The following ETS1 variants were observed in gnomAD, a reference collection of about 807,000 sequenced individuals.
ETS1 encodes protein C-ets-1.
A neutral mutation model predicts 58.6 loss-of-function variants in ETS1; 15 were observed. The ratio of observed to expected loss-of-function variants is 0.26; its 90% CI spans 0.17 to 0.39. The LOEUF is 0.39. Ranked by LOEUF, ETS1 falls within the 10% of genes least tolerant of loss-of-function variation. The pLI is 1.00. For synonymous variants in ETS1, 214 were observed against 218.2 expected (o/e 0.98, Z 0.17); for missense variants, 417 against 610.5 (o/e 0.68, Z 3.34).
At chr11:128,550,912 G>C (rs527965292) in intron 3 of ETS1, among the ~76,000 whole-genome samples, 6 of 152,320 alleles carry the variant, frequency 3.9e-5, no homozygotes, top group Middle Eastern at 3.4e-3. Context: ...GAGTGGCCCA[G>C]TTGTGTTTCT....
intron 3 of ETS1, chr11:128,522,140 T>C (rs1286485467): frequency 2.3e-6 from 3 of 1,311,124 alleles, no homozygotes; most frequent in Non-Finnish European, 2.9e-6. Flanking sequence ...CTGCCTTTCT[T>C]TCCCCCGCGC....
intron 3 of ETS1, among the ~76,000 whole-genome samples, chr11:128,518,344 G>A (rs1360170120): frequency 2.0e-5 from 3 of 152,004 alleles, no homozygotes; most frequent in Non-Finnish European, 4.4e-5. Flanking sequence ...AACATTCAAG[G>A]GCCTCTGAAA....
intron 8 of ETS1, among the ~76,000 whole-genome samples, chr11:128,471,983 C>G (rs540772975): frequency 1.3e-5 from 2 of 152,186 alleles, no homozygotes; most frequent in Non-Finnish European, 2.9e-5. Flanking sequence ...CCTAAGTGAT[C>G]ATTTGCACAC....
intron 3 of ETS1, among the ~76,000 whole-genome samples, chr11:128,540,816 G>A (rs1410728739): frequency 6.6e-6 from 1 of 152,226 alleles, no homozygotes; most frequent in Non-Finnish European, 1.5e-5. Flanking sequence ...CCCGTGTGGA[G>A]TCTAAGCTCA....
intron 7 of ETS1, 104 bp downstream of exon 7, chr11:128,484,719 A>T: frequency 9.9e-7 from 1 of 1,010,690 alleles, no homozygotes; most frequent in Non-Finnish European, 1.5e-6. Flanking sequence ...TGAGGAATCT[A>T]CAGGTCTAAT....
chr11:128,465,894 C>T lies in ETS1; in HGVS notation c.1124-2267G>A, dbSNP rs547759407. ...AGAGAAAACTGACACACTGCAAGGC[C>T]ATTTAGATCAGCAGTGGAGTAGCCG... is the stretch of plus-strand genomic sequence containing the variant. On this transcript the variant is annotated intron_variant, in intron 8 of 9. Coordinates refer to ENST00000392668, the MANE Select transcript of ETS1 (RefSeq NM_001143820.2). Among the ~76,000 whole-genome samples, 5 of 152,302 alleles carry T rather than the reference C, an allele frequency of 3.3e-5. No individual in the cohort carries two copies. In the South Asian group the frequency reaches 1.0e-3, roughly 32 times the overall value.
At chr11:128,551,838 T>C (rs1160604998) in intron 3 of ETS1, among the ~76,000 whole-genome samples, 3 of 152,096 alleles carry the variant, frequency 2.0e-5, no homozygotes, top group Non-Finnish European at 4.4e-5. Context: ...CGGCACTGTT[T>C]TATGCTTTAC....
intron 1 of ETS1, among the ~76,000 whole-genome samples, chr11:128,585,032 AAAAGAAAGAAAGAAAGAAAGAAAG>A (rs755191654): frequency 8.7e-5 from 1 of 11,438 alleles, no homozygotes; most frequent in Non-Finnish European, 1.5e-4. Flanking sequence ...AGAAAGAAAG[AAAAGAAAGAAAGAAAGAAAGAAAG>A]AAAGAAAGAA....
intron 3 of ETS1, chr11:128,522,477 G>C: frequency 2.1e-6 from 1 of 467,420 alleles, no homozygotes; most frequent in Non-Finnish European, 2.8e-6. Flanking sequence ...GCCGGGGGCG[G>C]GGCCGAGCAC....
intron 3 of ETS1, among the ~76,000 whole-genome samples, chr11:128,496,189 G>T (rs1023793613): frequency 6.6e-6 from 1 of 151,996 alleles, no homozygotes; most frequent in Non-Finnish European, 1.5e-5. Flanking sequence ...TTAAATCTAG[G>T]TCTATATTTC....
At position 128,462,188 on chromosome 11, in the gene ETS1, T is replaced by C. The variant is rs1162528982; in HGVS notation, c.*173A>G. On this transcript the variant is annotated 3_prime_UTR_variant, in exon 10 of 10. Coordinates refer to ENST00000392668, the MANE Select transcript of ETS1 (RefSeq NM_001143820.2). ...CCACCCCACAAGTCCTGGCTTTCCT[T>C]TCCCAACTGCGCACAATTGATTACA... 1 of 574,834 alleles carries C rather than the reference T, an allele frequency of 1.7e-6. No individual in the cohort carries two copies. Among genetic ancestry groups the C allele is most frequent in the Non-Finnish European group, 3.0e-6 (1 of 329,082 alleles). The allele number at this position is 574,834 out of a possible 1,614,324, so 35.6% of individuals were successfully genotyped here. A position where few individuals can be genotyped will look rare whatever the true frequency, so the allele number is the denominator to read the frequency against.
At chr11:128,477,637 T>C (rs1862358380) in intron 8 of ETS1, among the ~76,000 whole-genome samples, 1 of 152,086 alleles carries the variant, frequency 6.6e-6, no homozygotes, top group Non-Finnish European at 1.5e-5. Context: ...AAATAAATAC[T>C]AAAATGTGGG....
chr11:128,548,432 C>A (rs901776335), intron 3 of ETS1, among the ~76,000 whole-genome samples: 5 of 152,030 alleles, frequency 3.3e-5, no homozygotes, highest in African/African-American at 9.7e-5. Context: ...GTGATTCGTC[C>A]AGGGTTGCAC....
rs547423021 is a variant in ETS1, at chr11:128,549,833, G to A, written c.214+6458C>T. ...GTGCAGCTCTTTCTGGCCCTCACCA[G>A]GCTGGCCTCTCCTTTGGCTGGTGAA... On this transcript the variant is annotated intron_variant, in intron 3 of 9. Coordinates refer to ENST00000392668, the MANE Select transcript of ETS1 (RefSeq NM_001143820.2). The surrounding 1 kb of genome is among the most constrained non-coding windows in gnomAD (Gnocchi z 4.3). Among the ~76,000 whole-genome samples, 45 of 152,318 alleles carry A rather than the reference G, an allele frequency of 3.0e-4. No homozygotes were observed. In the South Asian group the frequency reaches 8.3e-3, roughly 28 times the overall value.
At chr11:128,536,419 A>T (rs888985880) in intron 3 of ETS1, 1 of 152,254 alleles carries the variant, frequency 6.6e-6, no homozygotes, top group African/African-American at 2.4e-5. Flanking sequence ...GCATATAGTC[A>T]ATATAATTTA....
At chr11:128,490,636 A>C in intron 3 of ETS1, 60 bp from the exon 4 acceptor site, 2 of 1,391,216 alleles carry the variant, frequency 1.4e-6, no homozygotes, top group Non-Finnish European at 2.0e-6. Context: ...CCAATCATAA[A>C]ACATTACAAA....
chr11:128,490,362 T>C lies in ETS1; in HGVS notation c.334+95A>G, dbSNP rs79425455. ...CCATAGCTGCTGACTCCAATGTGGTTAGTGTAACGTCTGCCTCACACACTC... is the reference window on the plus strand; with the variant it reads ...CCATAGCTGCTGACTCCAATGTGGTCAGTGTAACGTCTGCCTCACACACTC... On this transcript the variant is annotated intron_variant, in intron 4 of 9. Coordinates refer to ENST00000392668, the MANE Select transcript of ETS1 (RefSeq NM_001143820.2). 10,817 of 1,295,538 alleles carry C rather than the reference T, an allele frequency of 8.3e-3. 61 individuals are homozygous for C. The highest frequency in any genetic ancestry group is 0.01 in the Non-Finnish European group (9,394 of 912,706). 80.3% of individuals were successfully genotyped at this position (1,295,538 alleles called of 1,614,324 possible). A position where few individuals can be genotyped will look rare whatever the true frequency, so the allele number is the denominator to read the frequency against.
At chr11:128,510,737 C>G (rs1304289237) in intron 3 of ETS1, among the ~76,000 whole-genome samples, 1 of 152,188 alleles carries the variant, frequency 6.6e-6, no homozygotes, top group African/African-American at 2.4e-5. Context: ...CCCTACCTCC[C>G]CTTCCCTAGT....
chr11:128,550,115 G>A (rs749822671), intron 3 of ETS1, among the ~76,000 whole-genome samples: 1 of 152,200 alleles, frequency 6.6e-6, no homozygotes, highest in Non-Finnish European at 1.5e-5. Flanking sequence ...AAAGGTGAGG[G>A]TTGGGAAGCT....
Sources: gnomAD v4.1 joint callset for allele counts (sites outside exome capture counted in the v4.1 genomes callset) on GRCh38, gnomAD v4.1.1 for gene constraint, Gnocchi (gnomAD v3.1) non-coding constraint, MANE v1.5 for transcripts, NCBI Gene and HGNC (gene_info 2026-07-23, HGNC 2026-07-21) for gene names.